The following TATDN3 variants were observed in gnomAD, a reference collection of about 807,000 sequenced individuals.
TATDN3 encodes deoxyribonuclease TATDN3.
In TATDN3, 29 loss-of-function variants were observed where a neutral mutation model predicts 40.1. The observed-to-expected ratio is 0.72, with a 90% CI of 0.54 to 0.99. TATDN3 has a LOEUF of 0.99. Ranked by LOEUF, TATDN3 falls within the 50% of genes least tolerant of loss-of-function variation. The pLI is 0.00. For missense variants in TATDN3, 309 were observed against 321.9 expected (o/e 0.96, Z 0.31); for synonymous variants, 105 against 117.0 (o/e 0.90, Z 0.66).
intron 4 of TATDN3, 57 bp from the exon 5 acceptor site, chr1:212,802,644 C>T (rs2102452352): frequency 8.4e-7 from 1 of 1,184,408 alleles, no homozygotes; most frequent in Admixed American, 1.7e-5. Context: ...ATAATAGGAG[C>T]TTGTGAAATA....
At chr1:212,798,769 A>C (rs927582636) in intron 4 of TATDN3, among the ~76,000 whole-genome samples, 10 of 152,202 alleles carry the variant, frequency 6.6e-5, no homozygotes, top group Admixed American at 5.9e-4. Flanking sequence ...CACCTGCTAC[A>C]TGCCAGGCAC....
chr1:212,811,228 C>T (rs188380705), intron 8 of TATDN3, among the ~76,000 whole-genome samples: 82 of 151,784 alleles, frequency 5.4e-4, no homozygotes, highest in Admixed American at 1.7e-3. Flanking sequence ...CTCTGCCTCC[C>T]GGGTTCAAGT....
In TATDN3 at chr1:212,804,313, G is replaced by A. The variant is rs1310581196; in HGVS notation, c.322-7G>A. On this transcript the variant is annotated splice_region_variant and splice_polypyrimidine_tract_variant and intron_variant, in intron 5 of 9. Transcript: ENST00000366974. ...AATATGTAATATCTTTTATTTTTCTGCTCTAGGTTGGACTAGATTTCTCCC... is the reference window on the plus strand; with the variant it reads ...AATATGTAATATCTTTTATTTTTCTACTCTAGGTTGGACTAGATTTCTCCC... 10 of 1,605,426 alleles carry A rather than the reference G, an allele frequency of 6.2e-6. No homozygotes were observed. Among genetic ancestry groups the A allele is most frequent in the South Asian group, 1.1e-5 (1 of 90,682 alleles).
At chr1:212,807,885 A>C in intron 8 of TATDN3, 37 bp downstream of exon 8, 1 of 1,366,934 alleles carries the variant, frequency 7.3e-7, no homozygotes, top group South Asian at 1.2e-5. Flanking sequence ...AATACTTATG[A>C]AATAAAATTT....
chr1:212,813,901 T>C (rs1571978936), intron 9 of TATDN3, among the ~76,000 whole-genome samples: 1 of 152,142 alleles, frequency 6.6e-6, no homozygotes, highest in Admixed American at 6.6e-5. Flanking sequence ...AGTGCACATA[T>C]ATTTCATAAA....
chr1:212,810,205 CAT>C (rs941512596), intron 8 of TATDN3, among the ~76,000 whole-genome samples: 30 of 151,666 alleles, frequency 2.0e-4, no homozygotes, highest in African/African-American at 5.8e-4. Context: ...CTCTACAAAA[CAT>C]ATAAAAATTA....
chr1:212,798,554 A>AG (rs1558077884), intron 4 of TATDN3, among the ~76,000 whole-genome samples: 1 of 149,062 alleles, frequency 6.7e-6, no homozygotes, highest in African/African-American at 2.5e-5. Flanking sequence ...AAAAAAAAAA[A>AG]AAAAGAAAAG....
At chr1:212,803,309 A>T (rs948186065) in intron 5 of TATDN3, among the ~76,000 whole-genome samples, 2 of 151,674 alleles carry the variant, frequency 1.3e-5, no homozygotes, top group African/African-American at 4.8e-5. Flanking sequence ...CAGCCTCCCT[A>T]CTAGCTGGGA....
chr1:212,792,091 G>A, intron 1 of TATDN3, 104 bp downstream of exon 1: 2 of 1,155,080 alleles, frequency 1.7e-6, no homozygotes, highest in African/African-American at 1.5e-5. Context: ...CATATCCCCC[G>A]CCCAGACCCT....
chr1:212,812,194 T>C, intron 8 of TATDN3, 54 bp from the exon 9 acceptor site: 1 of 1,132,850 alleles, frequency 8.8e-7, no homozygotes, highest in Non-Finnish European at 1.3e-6. Context: ...AATTTAATGC[T>C]CTTTATCTTT....
chr1:212,801,956 CT>C (rs1662202251), intron 4 of TATDN3, among the ~76,000 whole-genome samples: 1 of 152,160 alleles, frequency 6.6e-6, no homozygotes. Context: ...TTAATTCTCT[CT>C]TGTTCTGATT....
intron 5 of TATDN3, among the ~76,000 whole-genome samples, chr1:212,803,106 G>A (rs979877811): frequency 1.3e-5 from 2 of 151,624 alleles, no homozygotes; most frequent in African/African-American, 4.8e-5. Flanking sequence ...CTTTAAATGG[G>A]CTAGAGTTTG....
chr1:212,794,312 T>G (rs1448442539), intron 1 of TATDN3, among the ~76,000 whole-genome samples: 1 of 149,274 alleles, frequency 6.7e-6, no homozygotes. Flanking sequence ...GGACTCAGGC[T>G]GGGTTCGATG....
intron 1 of TATDN3, among the ~76,000 whole-genome samples, chr1:212,794,496 C>G (rs1222450451): frequency 6.6e-6 from 1 of 152,022 alleles, no homozygotes; most frequent in Non-Finnish European, 1.5e-5. Flanking sequence ...GAGGCTGAAG[C>G]AGGAGAATCA....
intron 4 of TATDN3, among the ~76,000 whole-genome samples, chr1:212,801,233 G>A (rs1041670297): frequency 1.3e-5 from 2 of 150,626 alleles, no homozygotes; most frequent in Non-Finnish European, 3.0e-5. Context: ...AGAACCATTA[G>A]CTGTTAAGGA....
At chr1:212,805,329 C>T (rs894583375) in intron 7 of TATDN3, among the ~76,000 whole-genome samples, 1 of 152,158 alleles carries the variant, frequency 6.6e-6, no homozygotes, top group African/African-American at 2.4e-5. Context: ...AATCTTGGCT[C>T]ACTGCAACCT....
intron 4 of TATDN3, among the ~76,000 whole-genome samples, chr1:212,799,635 T>C (rs1171196783): frequency 6.6e-6 from 1 of 152,054 alleles, no homozygotes; most frequent in African/African-American, 2.4e-5. Flanking sequence ...CCTCCCTGGT[T>C]CAAGTGATTC....
rs1315161253 is a variant in TATDN3, at chr1:212,798,453, T to C, written c.258+1257T>C. 6.7e-5 allele frequency among the ~76,000 whole-genome samples: 10 copies of C among 150,270 alleles called. No homozygotes were observed. The South Asian group carries it at 2.1e-3, about 32-fold the overall frequency. On this transcript the variant is annotated intron_variant, in intron 4 of 9. Coordinates refer to ENST00000366974, the MANE Select transcript of TATDN3 (RefSeq NM_001042552.3). The stretch of plus-strand genomic sequence containing the variant: ...GGCTCACACCTGTAATCCTAACACT[T>C]TGGGAGGCCGAGATGGGAGGACCAC...
At chr1:212,807,911 C>A in intron 8 of TATDN3, 63 bp downstream of exon 8, 2 of 1,081,914 alleles carry the variant, frequency 1.8e-6, no homozygotes, top group South Asian at 1.4e-5. Flanking sequence ...ATGAGCTTTT[C>A]TTCCATACTT....
Sources: allele counts gnomAD v4.1 joint callset (sites outside exome capture counted in the v4.1 genomes callset), GRCh38; gene constraint gnomAD v4.1.1; transcripts MANE v1.5; gene names NCBI Gene and HGNC (gene_info 2026-07-23, HGNC 2026-07-21).